KIAA0825: variants seen among roughly 807,000 people sequenced by gnomAD.
KIAA0825 encodes the protein KIAA0825, also known as uncharacterized protein KIAA0825.
In KIAA0825, 119 loss-of-function variants were observed where a neutral mutation model predicts 147.6. That is an observed-to-expected ratio of 0.81 (90% CI 0.69 to 0.94). The LOEUF (loss-of-function observed/expected upper bound fraction) is 0.94, where lower values mean the gene tolerates loss of function less well. KIAA0825 is among the 40% of genes least tolerant of loss of function. KIAA0825 has a pLI of 0.00. For missense variants in KIAA0825, 1,381 were observed against 1,472.7 expected (o/e 0.94, Z 1.02); for synonymous variants, 470 against 518.1 (o/e 0.91, Z 1.26).
At chr5:94,222,877 G>GAT (rs1342538005) in intron 20 of KIAA0825, among the ~76,000 whole-genome samples, 1 of 152,074 alleles carries the variant, frequency 6.6e-6, no homozygotes, top group African/African-American at 2.4e-5. Context: ...ATGATGCTGT[G>GAT]ATATACATTG....
intron 20 of KIAA0825, among the ~76,000 whole-genome samples, chr5:94,344,434 G>C (rs983694570): frequency 1.6e-4 from 25 of 152,290 alleles, no homozygotes; most frequent in Admixed American, 1.4e-3. Flanking sequence ...CAAGGATCTG[G>C]ATAAGTTAGA....
chr5:94,253,906 A>G (rs1299571693), intron 20 of KIAA0825, among the ~76,000 whole-genome samples: 7 of 152,262 alleles, frequency 4.6e-5, no homozygotes, highest in South Asian at 2.1e-4. Flanking sequence ...CTGTAGCACA[A>G]TGCATCTTCA....
rs543008906 is a variant in KIAA0825, at chr5:94,540,093, G to A, written c.-1-2966C>T. 1.6e-4 allele frequency among the ~76,000 whole-genome samples: 24 copies of A among 152,202 alleles called. 1 individual carries two copies. Among genetic ancestry groups the A allele is most frequent in the African/African-American group, 4.6e-4 (19 of 41,548 alleles). Reference sequence around the variant, plus strand: ...TTTCTCTGGTCTCCCTGAACTCTTCGCCTTCCCCACCCCGCCTGAGGCAAT... The same window carrying A: ...TTTCTCTGGTCTCCCTGAACTCTTCACCTTCCCCACCCCGCCTGAGGCAAT... On this transcript the variant is annotated intron_variant, in intron 2 of 20. Transcript: ENST00000682413.
chr5:94,400,786 C>T (rs926046107), intron 16 of KIAA0825, among the ~76,000 whole-genome samples: 1 of 152,144 alleles, frequency 6.6e-6, no homozygotes, highest in African/African-American at 2.4e-5. Flanking sequence ...AGTAAATCCA[C>T]ACTGTAATCT....
rs553249024 is a variant in KIAA0825 at position 94,353,059 on chromosome 5, C to G, written c.3710+31309G>C. On this transcript the variant is annotated intron_variant, in intron 20 of 20. Transcript: ENST00000682413. ...TCATGTAACCAAATACACCTGTACC[C>G]CAATAACTTATGGAAAAATAAAAAT... Among the ~76,000 whole-genome samples, 3 of 151,940 alleles carry G rather than the reference C, an allele frequency of 2.0e-5. No homozygotes were observed. The East Asian group carries it at 5.8e-4, about 29-fold the overall frequency.
At chr5:94,606,846 C>A (rs1034507903) in intron 1 of KIAA0825, among the ~76,000 whole-genome samples, 5 of 152,148 alleles carry the variant, frequency 3.3e-5, no homozygotes, top group African/African-American at 1.2e-4. Context: ...GGTGAGGCCT[C>A]AGGAGGCTTA....
At chr5:94,525,124 A>G (rs1265337406) in intron 3 of KIAA0825, among the ~76,000 whole-genome samples, 2 of 151,846 alleles carry the variant, frequency 1.3e-5, no homozygotes, top group African/African-American at 4.8e-5. Flanking sequence ...CTCACCAAAA[A>G]TTGACAGCTA....
chr5:94,496,578 C>T (rs914469132), intron 5 of KIAA0825, among the ~76,000 whole-genome samples: 8 of 152,072 alleles, frequency 5.3e-5, no homozygotes, highest in African/African-American at 1.9e-4. Flanking sequence ...CAATAATGTA[C>T]CCATATCCTT....
chr5:94,254,635 G>T (rs1170482038), intron 20 of KIAA0825, among the ~76,000 whole-genome samples: 1 of 152,056 alleles, frequency 6.6e-6, no homozygotes, highest in Non-Finnish European at 1.5e-5. Flanking sequence ...GGGCTTTAAT[G>T]AGCTAGACTT....
At chr5:94,208,757 G>A (rs1376357566) in intron 20 of KIAA0825, among the ~76,000 whole-genome samples, 3 of 152,214 alleles carry the variant, frequency 2.0e-5, no homozygotes, top group Non-Finnish European at 2.9e-5. Flanking sequence ...AAATGTGAAC[G>A]TATTAGAGTG....
At chr5:94,275,807 TG>T (rs527374275) in intron 20 of KIAA0825, among the ~76,000 whole-genome samples, 29 of 152,220 alleles carry the variant, frequency 1.9e-4, no homozygotes, top group Non-Finnish European at 3.4e-4. Context: ...TTGTGTGTAA[TG>T]AAATCCAACC....
intron 9 of KIAA0825, 80 bp from the exon 10 acceptor site, chr5:94,470,191 G>A (rs1761040455): frequency 1.0e-6 from 1 of 986,216 alleles, no homozygotes; most frequent in Non-Finnish European, 1.4e-6. Flanking sequence ...ACTACAAATG[G>A]TTTTGATTAT....
intron 1 of KIAA0825, among the ~76,000 whole-genome samples, chr5:94,604,467 GA>G (rs1190613523): frequency 6.6e-6 from 1 of 152,142 alleles, no homozygotes; most frequent in Non-Finnish European, 1.5e-5. Flanking sequence ...GCAAAGGCAG[GA>G]AAATCACTTG....
chr5:94,496,884 G>A lies in KIAA0825; in HGVS notation c.971-11954C>T, dbSNP rs531750418. ...TAGCATGGTGTTTGCAAGCCGCTGC[G>A]GTTTTCCTGTCCAGCCCACTGTCAC... On this transcript the variant is annotated intron_variant, in intron 5 of 20. Coordinates refer to ENST00000682413, the MANE Select transcript of KIAA0825 (RefSeq NM_001145678.3). Among the ~76,000 whole-genome samples, 4 of 152,178 alleles carry A rather than the reference G, an allele frequency of 2.6e-5. No homozygotes were observed. The East Asian group carries it at 7.7e-4, about 29-fold the overall frequency.
At chr5:94,571,891 G>A (rs539392523) in intron 2 of KIAA0825, among the ~76,000 whole-genome samples, 93 of 152,230 alleles carry the variant, frequency 6.1e-4, no homozygotes, top group African/African-American at 2.1e-3. Context: ...AAATAAATAA[G>A]TAGTTGTAGT....
chr5:94,375,402 C>G (rs1395694529), intron 20 of KIAA0825, among the ~76,000 whole-genome samples: 1 of 152,030 alleles, frequency 6.6e-6, no homozygotes, highest in Non-Finnish European at 1.5e-5. Context: ...TAATCTCTTC[C>G]TCAATCTCTA....
intron 20 of KIAA0825, among the ~76,000 whole-genome samples, chr5:94,187,121 C>T (rs1770186774): frequency 6.6e-6 from 1 of 152,080 alleles, no homozygotes; most frequent in Non-Finnish European, 1.5e-5. Context: ...TTGAGAAAGA[C>T]TGGGAACAAG....
intron 20 of KIAA0825, among the ~76,000 whole-genome samples, chr5:94,202,679 T>A (rs1771808831): frequency 6.6e-6 from 1 of 152,200 alleles, no homozygotes; most frequent in African/African-American, 2.4e-5. Flanking sequence ...CTGCACCCAG[T>A]GACCCAGGCC....
At chr5:94,254,513 AT>A (rs1776140144) in intron 20 of KIAA0825, among the ~76,000 whole-genome samples, 2 of 152,310 alleles carry the variant, frequency 1.3e-5, no homozygotes, top group South Asian at 4.1e-4. Flanking sequence ...CATCAGCATC[AT>A]TTTTTGTGAC....
Sources: gnomAD v4.1 joint callset for allele counts (sites outside exome capture counted in the v4.1 genomes callset) on GRCh38, gnomAD v4.1.1 for gene constraint, MANE v1.5 for transcripts, NCBI Gene and HGNC (gene_info 2026-07-23, HGNC 2026-07-21) for gene names.